COL7A1: variants seen among roughly 807,000 people sequenced by gnomAD.
COL7A1 encodes the protein collagen alpha-1(VII) chain.
In COL7A1, 296 loss-of-function variants were observed where a neutral mutation model predicts 456.2. That is an observed-to-expected ratio of 0.65 (90% confidence interval 0.59 to 0.71). The LOEUF (loss-of-function observed/expected upper bound fraction) is 0.71. COL7A1 is among the 30% of genes least tolerant of loss of function. The probability of loss-of-function intolerance (pLI) is 0.00; values close to 1 mark genes in which losing one functional copy is unlikely to be tolerated. For missense variants in COL7A1, 3,441 were observed against 4,017.2 expected (o/e 0.86, Z 3.88); for synonymous variants, 1,464 against 1,525.9 (o/e 0.96, Z 0.95).
Position 48,564,854 on chromosome 3 carries a change from G to A in COL7A1, c.8747C>T (p.Ala2916Val), listed in dbSNP as rs770841305. The A allele has an allele frequency of 6.2e-7, 1 of 1,614,142 alleles. No homozygotes were observed. The highest frequency in any genetic ancestry group is 8.5e-7 in the Non-Finnish European group (1 of 1,180,018). Residue 2916 changes from alanine to valine, a missense_variant, in exon 118 of 119, where the codon GCC (alanine) becomes GTC (valine). Transcript: ENST00000681320. This position sits in a 1 kb window ranked among gnomAD's most constrained non-coding sequence, Gnocchi z 6.0. ...GGCCTCACGGGTCCCAAAACGGTTG[G>A]CATTCCCTCCACAGCCACCATAGAC... ...PFVYGGCGGN[A>V]NRFGTREACE... is the part of the protein sequence containing the mutation.
chr3:48,575,023 G>A lies in COL7A1; in HGVS notation c.6279+41C>T. 6.2e-7 allele frequency: 1 copy of A among 1,600,128 alleles called. No homozygotes were observed. Among genetic ancestry groups the A allele is most frequent in the Non-Finnish European group, 8.6e-7 (1 of 1,167,572 alleles). ...GGGACCAAGCTAAGGGTGGCTTCCT[G>A]GTCACTAGTCACAGGACTAAGGCAG... On this transcript the variant is annotated intron_variant, in intron 76 of 118. Coordinates refer to ENST00000681320, the MANE Select transcript of COL7A1 (RefSeq NM_000094.4). This position sits in a 1 kb window ranked among gnomAD's most constrained non-coding sequence, Gnocchi z 6.3.
Position 48,572,057 on chromosome 3 carries a change from G to A in COL7A1, c.7024-12C>T. 1 of 1,612,678 alleles carries A rather than the reference G, an allele frequency of 6.2e-7. No individual in the cohort carries two copies. The highest frequency in any genetic ancestry group is 8.5e-7 in the Non-Finnish European group (1 of 1,179,494). On this transcript the variant is annotated splice_polypyrimidine_tract_variant and intron_variant, in intron 91 of 118. Transcript: ENST00000681320. The surrounding 1 kb of genome is among the most constrained non-coding windows in gnomAD (Gnocchi z 4.6). Reference sequence around the variant, plus strand: ...CGGCCAGCTTCACCCTGCACAGAATGGCAGGTGAGGGGTGTCTGGACTGAG... The same window carrying A: ...CGGCCAGCTTCACCCTGCACAGAATAGCAGGTGAGGGGTGTCTGGACTGAG...
Position 48,590,444 on chromosome 3 carries a change from A to G in COL7A1, c.1906+15T>C. ...TTGGTCCCTTTGGCAGTCCCCCCAC[A>G]CACCCCACACTGACCACTGCCTGTG... On this transcript the variant is annotated intron_variant, in intron 15 of 118. Coordinates refer to ENST00000681320, the MANE Select transcript of COL7A1 (RefSeq NM_000094.4). This position sits in a 1 kb window ranked among gnomAD's most constrained non-coding sequence, Gnocchi z 4.6. The G allele has an allele frequency of 6.2e-7, 1 of 1,613,974 alleles. No individual in the cohort carries two copies.
At position 48,585,824 on chromosome 3, in the gene COL7A1, A is replaced by G. The variant is rs756349604; in HGVS notation, c.3786+6T>C. ...TTCTCTATTCCCCGCCCGCAGGGGC[A>G]CTCACCATCTCTCCAGGTTCCCCCT... On this transcript the variant is annotated splice_donor_region_variant and intron_variant, in intron 30 of 118. Coordinates refer to ENST00000681320, the MANE Select transcript of COL7A1 (RefSeq NM_000094.4). This position sits in a 1 kb window ranked among gnomAD's most constrained non-coding sequence, Gnocchi z 4.5. 6 of 1,614,020 alleles carry G rather than the reference A, an allele frequency of 3.7e-6. No individual in the cohort carries two copies. The South Asian group carries it at 4.4e-5, about 12-fold the overall frequency.
Position 48,570,912 on chromosome 3 carries a change from A to G in COL7A1, c.7221T>C (p.Gly2407=), listed in dbSNP as rs2043876094. 1.9e-6 allele frequency: 3 copies of G among 1,613,398 alleles called. No individual in the cohort carries two copies. Among genetic ancestry groups the G allele is most frequent in the Admixed American group, 1.7e-5 (1 of 59,944 alleles). Residue 2407 remains glycine (G), a synonymous_variant, in exon 95 of 119, where the codon GGT becomes GGC. Coordinates refer to ENST00000681320, the MANE Select transcript of COL7A1 (RefSeq NM_000094.4). The surrounding 1 kb of genome is among the most constrained non-coding windows in gnomAD (Gnocchi z 5.5). ...CCATCTCTCCTCGAGGGCCTGTCTG[A>G]CCCGGGAACCCAACAACACCAGGAG... ...PGAPGVVGFP[G]QTGPRGEMGQ... is the part of the protein sequence containing the mutation.
In COL7A1 at chr3:48,574,547, C is replaced by T. The variant is rs747683565; in HGVS notation, c.6397G>A (p.Val2133Met). 3.1e-6 allele frequency: 5 copies of T among 1,613,982 alleles called. No individual in the cohort carries two copies. In the East Asian group the frequency reaches 8.9e-5, roughly 29 times the overall value. ...GDQGPKGDRG[V>M]PGIKGDRGEP... ...CCCCGGTCTCCTTTGATGCCTGGCA[C>T]ACCCTGAAGGCAGAGTGTCGTGCCC... Residue 2133 changes from valine to methionine, a missense_variant, in exon 79 of 119, where the codon GTG (valine) becomes ATG (methionine). This residue lies in a region of COL7A1 where 2,084 missense variants were observed against 2,501.3 expected (regional missense o/e 0.83). Coordinates refer to ENST00000681320, the MANE Select transcript of COL7A1 (RefSeq NM_000094.4). The surrounding 1 kb of genome is among the most constrained non-coding windows in gnomAD (Gnocchi z 5.0).
Position 48,576,695 on chromosome 3 carries a change from G to A in COL7A1, c.5681C>T (p.Pro1894Leu). ...ACTCACCTGGCCAGGAGGGCCCACT[G>A]GCCCTGGGAGGCCTGGAGGCCCCTG... ...GPQGPPGLPG[P>L]VGPPGQGFPG... is the part of the protein sequence containing the mutation. The change falls in exon 68 of 119, where the codon CCA becomes CTA. Residue 1894 changes from proline to leucine, a missense_variant. This residue lies in a region of COL7A1 where 2,084 missense variants were observed against 2,501.3 expected (regional missense o/e 0.83). Coordinates refer to ENST00000681320, the MANE Select transcript of COL7A1 (RefSeq NM_000094.4). The A allele has an allele frequency of 1.2e-6, 2 of 1,607,758 alleles. No homozygotes were observed. Among genetic ancestry groups the A allele is most frequent in the Non-Finnish European group, 1.7e-6 (2 of 1,177,586 alleles).
chr3:48,589,081 A>C (rs1338036442), intron 18 of COL7A1, 86 bp from the exon 19 acceptor site: 7 of 1,602,818 alleles, frequency 4.4e-6, no homozygotes, highest in Non-Finnish European at 6.0e-6. Context: ...TCTGAAAGTC[A>C]GTGTGAGGTT....
chr3:48,578,216 G>T lies in COL7A1; in HGVS notation c.5532+105C>A. ...TGCATCTGTATGTCTGGGCCAGGAT[G>T]CATGTGTCTACACGTGTGCCTCATG... On this transcript the variant is annotated intron_variant, in intron 65 of 118. Coordinates refer to ENST00000681320, the MANE Select transcript of COL7A1 (RefSeq NM_000094.4). The surrounding 1 kb of genome is among the most constrained non-coding windows in gnomAD (Gnocchi z 4.7). The T allele has an allele frequency of 1.6e-6, 2 of 1,275,114 alleles. No homozygotes were observed. Among genetic ancestry groups the T allele is most frequent in the African/African-American group, 1.5e-5 (1 of 68,302 alleles). The allele number at this position is 1,275,114 out of a possible 1,614,324, so 79.0% of individuals were successfully genotyped here.
At chr3:48,582,200 C>G in intron 47 of COL7A1, 123 bp downstream of exon 47, 1 of 1,558,818 alleles carries the variant, frequency 6.4e-7, no homozygotes, top group East Asian at 2.2e-5. Flanking sequence ...GAAGGAGAGC[C>G]GCAGAGCTCC....
Position 48,570,572 on chromosome 3 carries a change from GC to G in COL7A1, c.7344+66del. 6.2e-7 allele frequency: 1 copy of G among 1,613,114 alleles called. No individual in the cohort carries two copies. The highest frequency in any genetic ancestry group is 2.2e-5 in the East Asian group (1 of 44,874). On this transcript the variant is annotated intron_variant, in intron 96 of 118. Coordinates refer to ENST00000681320, the MANE Select transcript of COL7A1 (RefSeq NM_000094.4). The surrounding 1 kb of genome is among the most constrained non-coding windows in gnomAD (Gnocchi z 5.5). ...CCCCCAACACCCCACAGTGTGGCCC[GC>G]CCCATCCTAAGTCCTCACGAGGACA...
Position 48,585,799 on chromosome 3 carries a change from T to C in COL7A1, c.3786+31A>G, listed in dbSNP as rs773765987. 5.6e-6 allele frequency: 9 copies of C among 1,614,012 alleles called. No homozygotes were observed. The South Asian group carries it at 8.8e-5, about 16-fold the overall frequency. On this transcript the variant is annotated intron_variant, in intron 30 of 118. Transcript: ENST00000681320. The surrounding 1 kb of genome is among the most constrained non-coding windows in gnomAD (Gnocchi z 4.5). The stretch of plus-strand genomic sequence containing the variant: ...TCCTGCCCCACTGACACTCAACCCA[T>C]TCTCTATTCCCCGCCCGCAGGGGCA...
Position 48,590,412 on chromosome 3 carries a change from AC to A in COL7A1, c.1906+46del. On this transcript the variant is annotated intron_variant, in intron 15 of 118. Transcript: ENST00000681320. The surrounding 1 kb of genome is among the most constrained non-coding windows in gnomAD (Gnocchi z 4.6). ...CCTGCCTGTCCCCTCTGGCACCCAT[AC>A]CCTCATTGGTCCCTTTGGCAGTCCC... The A allele has an allele frequency of 1.2e-6, 2 of 1,613,350 alleles. No individual in the cohort carries two copies. Among genetic ancestry groups the A allele is most frequent in the Non-Finnish European group, 1.7e-6 (2 of 1,179,530 alleles).
chr3:48,584,583 G>T, intron 35 of COL7A1, 27 bp from the exon 36 acceptor site: 2 of 1,613,906 alleles, frequency 1.2e-6, no homozygotes, highest in Non-Finnish European at 1.7e-6. Context: ...CAGTGGGCAG[G>T]ATTCAGGCTA....
intron 45 of COL7A1, 30 bp downstream of exon 45, chr3:48,582,579 C>T (rs767040751): frequency 2.5e-6 from 4 of 1,613,818 alleles, no homozygotes; most frequent in South Asian, 1.1e-5. Flanking sequence ...AAAAGTCCCA[C>T]TCCTGGTCCC....
At position 48,583,921 on chromosome 3, in the gene COL7A1, A is replaced by G; in HGVS notation, c.4257T>C (p.Ala1419=). The change falls in exon 39 of 119, where the codon GCT becomes GCC. Residue 1419 remains alanine (A), a synonymous_variant. Transcript: ENST00000681320. This position sits in a 1 kb window ranked among gnomAD's most constrained non-coding sequence, Gnocchi z 5.1. ...GPPGPGEGGI[A]PGEPGLPGLP... is the part of the protein sequence containing the mutation. Reference sequence around the variant, plus strand: ...TCACCGGCAGCCCAGGCTCCCCAGGAGCAATGCCACCTTCACCTGGTCCAG... The same window carrying G: ...TCACCGGCAGCCCAGGCTCCCCAGGGGCAATGCCACCTTCACCTGGTCCAG... 1 of 1,613,962 alleles carries G rather than the reference A, an allele frequency of 6.2e-7. No homozygotes were observed. The highest frequency in any genetic ancestry group is 1.3e-5 in the African/African-American group (1 of 75,018).
Position 48,574,289 on chromosome 3 carries a change from A to G in COL7A1, c.6474T>C (p.Arg2158=). The change falls in exon 80 of 119, where the codon CGT becomes CGC. Residue 2158 remains arginine, a synonymous_variant. Coordinates refer to ENST00000681320, the MANE Select transcript of COL7A1 (RefSeq NM_000094.4). The surrounding 1 kb of genome is among the most constrained non-coding windows in gnomAD (Gnocchi z 5.0). Reference sequence around the variant, plus strand: ...GCTTCCCTTCAGGCCCAGCCATACCACGCTCTCCTGGTAGACCCTGCAGAG... The same window carrying G: ...GCTTCCCTTCAGGCCCAGCCATACCGCGCTCTCCTGGTAGACCCTGCAGAG... ...QDGNPGLPGE[R]GMAGPEGKPG... The G allele has an allele frequency of 6.2e-7, 1 of 1,613,884 alleles. No individual in the cohort carries two copies. The highest frequency in any genetic ancestry group is 8.5e-7 in the Non-Finnish European group (1 of 1,179,974).
rs2043656956 is a variant in COL7A1, at chr3:48,567,449, C to T, written c.8046+125G>A. The T allele has an allele frequency of 1.5e-6, 2 of 1,374,650 alleles. No individual in the cohort carries two copies. The highest frequency in any genetic ancestry group is 2.8e-5 in the African/African-American group (2 of 70,282). The allele number at this position is 1,374,650 out of a possible 1,614,324, so 85.2% of individuals were successfully genotyped here. A position where few individuals can be genotyped will look rare whatever the true frequency, so the allele number is the denominator to read the frequency against. On this transcript the variant is annotated intron_variant, in intron 109 of 118. Transcript: ENST00000681320. This position sits in a 1 kb window ranked among gnomAD's most constrained non-coding sequence, Gnocchi z 4.3. The stretch of plus-strand genomic sequence containing the variant: ...CACCTTGACACCTCGAGACCAGCCC[C>T]ACTTCAGCCCCCAAAGTCCCAACCC...
Position 48,568,998 on chromosome 3 carries a change from G to T in COL7A1, c.7687-143C>A, listed in dbSNP as rs765607398. ...ACGTCCTCCCAGCCTGTGCCATAGC[G>T]GGTGGAACTGGGGGCTGTAGTCCAC... is the stretch of plus-strand genomic sequence containing the variant. On this transcript the variant is annotated intron_variant, in intron 103 of 118. Coordinates refer to ENST00000681320, the MANE Select transcript of COL7A1 (RefSeq NM_000094.4). This position sits in a 1 kb window ranked among gnomAD's most constrained non-coding sequence, Gnocchi z 5.2. 1.4e-5 allele frequency: 11 copies of T among 790,916 alleles called. No individual in the cohort carries two copies. In the Middle Eastern group the frequency reaches 7.0e-4, roughly 50 times the overall value. 49.0% of individuals were successfully genotyped at this position (790,916 alleles called of 1,614,324 possible).
Sources: gnomAD v4.1 joint callset for allele counts on GRCh38, gnomAD v4.1.1 for gene constraint, gnomAD v4.1.1 regional missense constraint, Gnocchi (gnomAD v3.1) non-coding constraint, MANE v1.5 for transcripts, NCBI Gene and HGNC (gene_info 2026-07-23, HGNC 2026-07-21) for gene names.